Variants in TTC3 observed in about 807,000 individuals in gnomAD.
The protein encoded by TTC3 is E3 ubiquitin-protein ligase TTC3.
Under a neutral mutation model 249.6 loss-of-function variants are expected in TTC3, and 180 were observed. The observed-to-expected ratio is 0.72, with a 90% CI of 0.64 to 0.82. The LOEUF (loss-of-function observed/expected upper bound fraction) is 0.82. TTC3 is among the 40% of genes least tolerant of loss of function. TTC3 has a pLI of 0.00. For synonymous variants in TTC3, 717 were observed against 805.0 expected (o/e 0.89, Z 1.85); for missense variants, 2,061 against 2,398.4 (o/e 0.86, Z 2.94).
intron 10 of TTC3, among the ~76,000 whole-genome samples, chr21:37,103,862 C>A (rs2074776661): frequency 6.6e-6 from 1 of 150,870 alleles, no homozygotes; most frequent in African/African-American, 2.4e-5. Context: ...CCAAGGAGGG[C>A]CTTGTAGGCT....
At chr21:37,141,412 T>TCCG (rs2078438285) in intron 20 of TTC3, among the ~76,000 whole-genome samples, 1 of 150,642 alleles carries the variant, frequency 6.6e-6, no homozygotes, top group Non-Finnish European at 1.5e-5. Flanking sequence ...TTTTGGGGAA[T>TCCG]CCCCCCCCCA....
intron 1 of TTC3, chr21:37,083,991 ATGGACAT>A (rs2072055684): frequency 6.6e-6 from 1 of 152,232 alleles, no homozygotes; most frequent in African/African-American, 2.4e-5. Context: ...TTTGATAATC[ATGGACAT>A]TATCACTTAG....
intron 20 of TTC3, among the ~76,000 whole-genome samples, chr21:37,142,548 AGGACCT>A (rs1569036000): frequency 1.3e-5 from 2 of 152,222 alleles, no homozygotes. Context: ...AGGGATGTGA[AGGACCT>A]CTTCAGGGAG....
At chr21:37,093,091 A>G (rs750731917) in intron 7 of TTC3, among the ~76,000 whole-genome samples, 1 of 152,166 alleles carries the variant, frequency 6.6e-6, no homozygotes, top group Non-Finnish European at 1.5e-5. Flanking sequence ...TTCAAAGGAA[A>G]TGCTCGCTGG....
At chr21:37,091,176 G>A in intron 6 of TTC3, 117 bp from the exon 7 acceptor site, 1 of 1,087,050 alleles carries the variant, frequency 9.2e-7, no homozygotes, top group South Asian at 1.4e-5. Flanking sequence ...AAAATAAGTG[G>A]TTGTACCAGT....
intron 16 of TTC3, among the ~76,000 whole-genome samples, chr21:37,131,626 G>T (rs2147918435): frequency 6.6e-6 from 1 of 152,026 alleles, no homozygotes; most frequent in South Asian, 2.1e-4. Flanking sequence ...CTTGTAGTCA[G>T]CAGGGCAGGA....
intron 41 of TTC3, chr21:37,194,065 C>G (rs1225315637): frequency 6.6e-6 from 1 of 152,096 alleles, no homozygotes; most frequent in Non-Finnish European, 1.5e-5. Flanking sequence ...TAATAGAAGC[C>G]CAGTATGACG....
chr21:37,132,872 A>T (rs1259724075), intron 17 of TTC3, 106 bp downstream of exon 17: 2 of 787,126 alleles, frequency 2.5e-6, no homozygotes, highest in African/African-American at 3.6e-5. Flanking sequence ...TTTTTATATA[A>T]TTATTGTATT....
chr21:37,172,075 GT>G (rs552076279), intron 34 of TTC3, among the ~76,000 whole-genome samples: 1 of 151,930 alleles, frequency 6.6e-6, no homozygotes, highest in Admixed American at 6.6e-5. Context: ...TGGGTTTGGG[GT>G]TTTTTTTGTT....
intron 10 of TTC3, chr21:37,100,749 A>G (rs2074404768): frequency 2.0e-5 from 3 of 152,240 alleles, no homozygotes; most frequent in South Asian, 2.1e-4. Flanking sequence ...AAATCTTCAC[A>G]TTGAGGATTG....
At chr21:37,190,390 TC>T (rs1266056926) in intron 39 of TTC3, among the ~76,000 whole-genome samples, 1 of 152,102 alleles carries the variant, frequency 6.6e-6, no homozygotes, top group Non-Finnish European at 1.5e-5. Context: ...TGCCTAGGCC[TC>T]CCAAAGTGCT....
At chr21:37,080,440 T>G (rs959284437) in intron 1 of TTC3, among the ~76,000 whole-genome samples, 8 of 152,114 alleles carry the variant, frequency 5.3e-5, no homozygotes, top group Non-Finnish European at 1.0e-4. Context: ...TGTACACTTG[T>G]GAAGAGTATA....
At chr21:37,167,512 G>T in intron 33 of TTC3, 43 bp from the exon 34 acceptor site, 1 of 1,454,868 alleles carries the variant, frequency 6.9e-7, no homozygotes, top group South Asian at 1.2e-5. Flanking sequence ...TTTTACTAGA[G>T]CGATTGAGAT....
intron 34 of TTC3, among the ~76,000 whole-genome samples, chr21:37,169,728 A>T (rs1383756237): frequency 1.3e-5 from 2 of 150,796 alleles, no homozygotes; most frequent in Admixed American, 6.6e-5. Flanking sequence ...GACACCTGTA[A>T]CCCCAGCTAC....
At chr21:37,183,330 T>C (rs1222586403) in intron 36 of TTC3, among the ~76,000 whole-genome samples, 4 of 152,196 alleles carry the variant, frequency 2.6e-5, no homozygotes, top group African/African-American at 9.7e-5. Context: ...ATTATTAAAA[T>C]TTGTCTTGTA....
chr21:37,197,720 T>G, intron 43 of TTC3, 24 bp downstream of exon 43: 2 of 1,547,034 alleles, frequency 1.3e-6, no homozygotes, highest in Non-Finnish European at 1.7e-6. Context: ...ATGTTCCAGT[T>G]TATCCTTATT....
chr21:37,156,609 AAAT>A (rs779201638), intron 27 of TTC3, 43 bp from the exon 28 acceptor site: 7 of 1,564,890 alleles, frequency 4.5e-6, no homozygotes, highest in Non-Finnish European at 5.2e-6. Flanking sequence ...ATTTTACAGT[AAAT>A]AATTTCCCTC....
chr21:37,114,552 G>A (rs1601537552), intron 11 of TTC3, among the ~76,000 whole-genome samples: 1 of 152,126 alleles, frequency 6.6e-6, no homozygotes, highest in African/African-American at 2.4e-5. Flanking sequence ...GAGAGGATGT[G>A]GAGAAATAGG....
chr21:37,153,579 C>T (rs1052993572), intron 27 of TTC3, among the ~76,000 whole-genome samples: 4 of 152,128 alleles, frequency 2.6e-5, no homozygotes, highest in Admixed American at 6.5e-5. Flanking sequence ...TACACACACA[C>T]GCACACCACA....
Sources: allele counts gnomAD v4.1 joint callset (sites outside exome capture counted in the v4.1 genomes callset), GRCh38; gene constraint gnomAD v4.1.1; transcripts MANE v1.5; gene names NCBI Gene and HGNC (gene_info 2026-07-23, HGNC 2026-07-21).